GALNTL6: variants seen among roughly 807,000 people sequenced by gnomAD.
The protein encoded by GALNTL6 is polypeptide N-acetylgalactosaminyltransferase like 6.
In GALNTL6, 46 loss-of-function variants were observed where a neutral mutation model predicts 73.7. The observed-to-expected ratio is 0.62, with a 90% CI of 0.49 to 0.80. The LOEUF is 0.80. Ranked by LOEUF, GALNTL6 falls within the 30% of genes least tolerant of loss-of-function variation. The pLI, the probability that GALNTL6 is intolerant of heterozygous loss-of-function variation, is 0.00. For synonymous variants in GALNTL6, 259 were observed against 263.7 expected, an observed-to-expected ratio of 0.98 and a Z score of 0.17; for missense variants, 604 against 755.0, an observed-to-expected ratio of 0.80 and a Z score of 2.34.
chr4:172,514,607 G>A (rs1181002118), intron 5 of GALNTL6, among the ~76,000 whole-genome samples: 3 of 152,044 alleles, frequency 2.0e-5, no homozygotes, highest in African/African-American at 7.2e-5. Flanking sequence ...CCCAGATTCT[G>A]CCCTGAAAAA....
chr4:172,725,342 C>T (rs1735732811), intron 5 of GALNTL6, among the ~76,000 whole-genome samples: 1 of 152,144 alleles, frequency 6.6e-6, no homozygotes, highest in Non-Finnish European at 1.5e-5. Context: ...TTCTACTGTA[C>T]TCAGGCTCCA....
chr4:172,569,777 A>C (rs899463705), intron 5 of GALNTL6, among the ~76,000 whole-genome samples: 62 of 151,890 alleles, frequency 4.1e-4, no homozygotes, highest in African/African-American at 1.4e-3. Flanking sequence ...CAGCAAAGCT[A>C]TCAAGGAAAG....
At chr4:173,033,056 A>G (rs926461326) in intron 12 of GALNTL6, among the ~76,000 whole-genome samples, 1 of 152,080 alleles carries the variant, frequency 6.6e-6, no homozygotes. Context: ...GCTAGAGTGC[A>G]GTGGCGTGAT....
At chr4:172,709,297 A>C (rs1455798103) in intron 5 of GALNTL6, among the ~76,000 whole-genome samples, 1 of 152,178 alleles carries the variant, frequency 6.6e-6, no homozygotes, top group Non-Finnish European at 1.5e-5. Context: ...ATCAGTGCTG[A>C]AGAGAGAAAG....
chr4:172,368,627 C>T (rs927196715), intron 5 of GALNTL6, among the ~76,000 whole-genome samples: 4 of 151,950 alleles, frequency 2.6e-5, no homozygotes, highest in South Asian at 4.2e-4. Context: ...TTCTTGGTCT[C>T]GCTGACTTCA....
chr4:172,994,796 G>C (rs976092926), intron 10 of GALNTL6, among the ~76,000 whole-genome samples: 1 of 152,128 alleles, frequency 6.6e-6, no homozygotes, highest in African/African-American at 2.4e-5. Flanking sequence ...GGTCTCAGGG[G>C]TTTTGCTGCC....
intron 5 of GALNTL6, among the ~76,000 whole-genome samples, chr4:172,416,739 C>T (rs1263137765): frequency 6.6e-6 from 1 of 151,368 alleles, no homozygotes; most frequent in East Asian, 1.9e-4. Context: ...GTTAATAAAC[C>T]CTTAAAAGTA....
chr4:171,988,404 A>T (rs1025942776), intron 2 of GALNTL6, among the ~76,000 whole-genome samples: 1 of 152,218 alleles, frequency 6.6e-6, no homozygotes, highest in Non-Finnish European at 1.5e-5. Context: ...GCCTTGCGGC[A>T]GTACAGCCCA....
intron 5 of GALNTL6, among the ~76,000 whole-genome samples, chr4:172,353,406 T>C (rs1742033358): frequency 6.6e-6 from 1 of 152,200 alleles, no homozygotes; most frequent in South Asian, 2.1e-4. Context: ...TGTTTGTTTA[T>C]ACTATTTAGT....
intron 3 of GALNTL6, among the ~76,000 whole-genome samples, chr4:172,234,440 A>G (rs1424149240): frequency 6.6e-6 from 1 of 152,126 alleles, no homozygotes; most frequent in East Asian, 1.9e-4. Flanking sequence ...TTAACACAAT[A>G]CCAATACACT....
chr4:171,821,552 T>A (rs1320267576), intron 2 of GALNTL6, among the ~76,000 whole-genome samples: 1 of 151,924 alleles, frequency 6.6e-6, no homozygotes, highest in Non-Finnish European at 1.5e-5. Flanking sequence ...TCTTAATTAG[T>A]AAAATGCAGG....
intron 5 of GALNTL6, among the ~76,000 whole-genome samples, chr4:172,662,462 C>T (rs1164728197): frequency 6.6e-6 from 1 of 152,184 alleles, no homozygotes; most frequent in Non-Finnish European, 1.5e-5. Flanking sequence ...TGTCTGCTTT[C>T]TCCTTTCTGC....
At chr4:172,725,146 A>G (rs1735722603) in intron 5 of GALNTL6, among the ~76,000 whole-genome samples, 1 of 152,150 alleles carries the variant, frequency 6.6e-6, no homozygotes, top group Admixed American at 6.5e-5. Flanking sequence ...CTCATCTCCT[A>G]CCTTAGTTCT....
intron 5 of GALNTL6, among the ~76,000 whole-genome samples, chr4:172,739,835 T>G (rs990886882): frequency 1.3e-5 from 2 of 151,814 alleles, no homozygotes; most frequent in Non-Finnish European, 2.9e-5. Flanking sequence ...AAAGAAATGC[T>G]TGTTATAATA....
chr4:171,974,277 A>T (rs965598675), intron 2 of GALNTL6, among the ~76,000 whole-genome samples: 22 of 152,150 alleles, frequency 1.4e-4, no homozygotes, highest in Non-Finnish European at 2.8e-4. Flanking sequence ...AGGCTTATTT[A>T]AACTTTGTTT....
At chr4:172,378,400 A>G (rs1743131955) in intron 5 of GALNTL6, among the ~76,000 whole-genome samples, 1 of 152,222 alleles carries the variant, frequency 6.6e-6, no homozygotes, top group Non-Finnish European at 1.5e-5. Flanking sequence ...TGGGAAGGTG[A>G]AAAGATATTA....
At chr4:172,137,925 C>G in intron 2 of GALNTL6, among the ~76,000 whole-genome samples, 1 of 152,134 alleles carries the variant, frequency 6.6e-6, no homozygotes, top group East Asian at 1.9e-4. Context: ...AGTAAGCCAG[C>G]TGCATTTGGT....
intron 5 of GALNTL6, among the ~76,000 whole-genome samples, chr4:172,570,677 G>T (rs891687933): frequency 1.1e-4 from 16 of 152,198 alleles, no homozygotes; most frequent in African/African-American, 3.4e-4. Context: ...CAGACCAGTG[G>T]TGGGGGTGGT....
At chr4:172,692,846 A>T (rs936225440) in intron 5 of GALNTL6, among the ~76,000 whole-genome samples, 1 of 152,178 alleles carries the variant, frequency 6.6e-6, no homozygotes, top group Non-Finnish European at 1.5e-5. Context: ...GGCAACCTCT[A>T]TTTCCTTCTA....
Sources: gnomAD v4.1 joint callset for allele counts (sites outside exome capture counted in the v4.1 genomes callset) on GRCh38, gnomAD v4.1.1 for gene constraint, MANE v1.5 for transcripts, NCBI Gene and HGNC (gene_info 2026-07-23, HGNC 2026-07-21) for gene names.